The following RASSF3 variants were observed in gnomAD, a reference collection of about 807,000 sequenced individuals.
RASSF3 encodes ras association domain-containing protein 3.
In RASSF3, 19 loss-of-function variants were observed where a neutral mutation model predicts 19.9. The observed-to-expected ratio is 0.96, with a 90% CI of 0.67 to 1.40. The LOEUF is 1.40. Among genes scored for constraint, RASSF3 ranks in the 40% most tolerant of loss-of-function variants. RASSF3 has a pLI of 0.00. For synonymous variants in RASSF3, 110 were observed against 104.2 expected, an observed-to-expected ratio of 1.06 and a Z score of -0.34; for missense variants, 306 against 289.8, an observed-to-expected ratio of 1.06 and a Z score of -0.41.
intron 1 of RASSF3, among the ~76,000 whole-genome samples, chr12:64,679,728 G>C (rs141173469): frequency 6.6e-6 from 1 of 152,200 alleles, no homozygotes; most frequent in Admixed American, 6.5e-5. Context: ...AATGAGGGAA[G>C]AGTCTAGGAT....
At chr12:64,588,631 C>T (rs1396718126) in intron 2 of RASSF3, among the ~76,000 whole-genome samples, 3 of 152,082 alleles carry the variant, frequency 2.0e-5, no homozygotes, top group Non-Finnish European at 4.4e-5. Context: ...TTAAACAACA[C>T]ATACTCCCAC....
At chr12:64,614,266 T>G (rs1278214829) in intron 1 of RASSF3, among the ~76,000 whole-genome samples, 2 of 151,872 alleles carry the variant, frequency 1.3e-5, no homozygotes, top group African/African-American at 2.4e-5. Flanking sequence ...CCCGAGTAGC[T>G]GGGATCACAG....
intron 1 of RASSF3, among the ~76,000 whole-genome samples, chr12:64,664,464 T>A (rs922447342): frequency 6.6e-6 from 1 of 152,172 alleles, no homozygotes. Flanking sequence ...CATCTCGGCC[T>A]CCCTAAGTGC....
At chr12:64,634,524 CTT>C (rs750700107) in intron 1 of RASSF3, among the ~76,000 whole-genome samples, 10 of 151,930 alleles carry the variant, frequency 6.6e-5, no homozygotes, top group Non-Finnish European at 1.3e-4. Flanking sequence ...TCCCCACAAA[CTT>C]TTCAAAAAGC....
At chr12:64,520,551 CACACATATATATATATATATATATATAT>C (rs148538758) in intron 1 of RASSF3, among the ~76,000 whole-genome samples, 43,265 of 120,112 alleles carry the variant, frequency 0.36, 7,241 homozygotes, top group Middle Eastern at 0.49. Flanking sequence ...TACACACATA[CACACATATATATATATATATATATATAT>C]ATATATATAT....
At chr12:64,547,051 T>C (rs749866539) in intron 2 of RASSF3, among the ~76,000 whole-genome samples, 17 of 151,702 alleles carry the variant, frequency 1.1e-4, no homozygotes, top group Non-Finnish European at 1.2e-4. Flanking sequence ...GGCATGTGGA[T>C]TGCTTGAGCC....
upstream of RASSF3, among the ~76,000 whole-genome samples, chr12:64,607,483 C>A (rs1870214615): frequency 6.6e-6 from 1 of 151,874 alleles, no homozygotes; most frequent in Non-Finnish European, 1.5e-5. Context: ...GACTCTCCTG[C>A]CTCAGCCTCC....
intron 1 of RASSF3, among the ~76,000 whole-genome samples, chr12:64,536,626 A>G (rs760414330): frequency 2.0e-4 from 30 of 152,232 alleles, no homozygotes; most frequent in Non-Finnish European, 3.8e-4. Flanking sequence ...ATAGTCTTCA[A>G]AGGAGAAGCA....
At chr12:64,634,967 CTTTTTT>C (rs139897110) in intron 1 of RASSF3, among the ~76,000 whole-genome samples, 2 of 128,128 alleles carry the variant, frequency 1.6e-5, no homozygotes, top group Admixed American at 8.0e-5. Flanking sequence ...CTTTTCTTTT[CTTTTTT>C]TTTTTTTTTT....
intron 2 of RASSF3, among the ~76,000 whole-genome samples, chr12:64,588,370 C>A (rs886075699): frequency 6.6e-6 from 1 of 152,154 alleles, no homozygotes; most frequent in African/African-American, 2.4e-5. Context: ...AGATTAAAAA[C>A]TGGCATAGAA....
At chr12:64,583,547 G>T (rs537276031) in intron 2 of RASSF3, among the ~76,000 whole-genome samples, 2 of 152,118 alleles carry the variant, frequency 1.3e-5, no homozygotes, top group Non-Finnish European at 2.9e-5. Context: ...GCTTGAACCC[G>T]GGAGGCAGAG....
intron 1 of RASSF3, among the ~76,000 whole-genome samples, chr12:64,520,419 C>T (rs1868448006): frequency 6.6e-6 from 1 of 151,662 alleles, no homozygotes. Flanking sequence ...CCTCGGCCTC[C>T]CAAAGTGCTG....
At chr12:64,553,107 G>A (rs1232723801) in intron 2 of RASSF3, among the ~76,000 whole-genome samples, 2 of 152,094 alleles carry the variant, frequency 1.3e-5, no homozygotes. Flanking sequence ...GTCTATAAAC[G>A]TTTTCTGTCT....
chr12:64,532,196 C>G (rs373548019), upstream of RASSF3, among the ~76,000 whole-genome samples: 3 of 152,192 alleles, frequency 2.0e-5, no homozygotes, highest in East Asian at 5.8e-4. Flanking sequence ...GATGGATTGC[C>G]GACTGCGAGT....
At chr12:64,621,460 A>G (rs927403159) in intron 1 of RASSF3, among the ~76,000 whole-genome samples, 1 of 152,008 alleles carries the variant, frequency 6.6e-6, no homozygotes, top group Non-Finnish European at 1.5e-5. Flanking sequence ...TGTTTGTACC[A>G]AAAGGATATT....
intron 1 of RASSF3, among the ~76,000 whole-genome samples, chr12:64,651,396 T>C (rs544502723): frequency 5.3e-5 from 8 of 152,220 alleles, no homozygotes; most frequent in Non-Finnish European, 1.0e-4. Flanking sequence ...TCTCACTCTG[T>C]TGCCCAGACT....
At chr12:64,669,288 G>A (rs147586094) in intron 1 of RASSF3, among the ~76,000 whole-genome samples, 3 of 152,276 alleles carry the variant, frequency 2.0e-5, no homozygotes, top group Admixed American at 6.5e-5. Flanking sequence ...TGAAAAAGGT[G>A]AAACCTTCAC....
intron 1 of RASSF3, among the ~76,000 whole-genome samples, chr12:64,520,173 T>C (rs992607626): frequency 6.6e-6 from 1 of 150,832 alleles, no homozygotes; most frequent in African/African-American, 2.4e-5. Context: ...TTCTGACTTT[T>C]TTTTTTTTTT....
chr12:64,534,100 A>T (rs925857177), intron 1 of RASSF3, among the ~76,000 whole-genome samples: 1 of 151,886 alleles, frequency 6.6e-6, no homozygotes, highest in Non-Finnish European at 1.5e-5. Context: ...CTCTAAAAAA[A>T]TTTTGTTTTA....
Sources: allele counts gnomAD v4.1 joint callset (sites outside exome capture counted in the v4.1 genomes callset), GRCh38; gene constraint gnomAD v4.1.1; transcripts MANE v1.5; gene names NCBI Gene and HGNC (gene_info 2026-07-23, HGNC 2026-07-21).